GAS7: variants seen among roughly 807,000 people sequenced by gnomAD.
GAS7 encodes the protein growth arrest specific 7.
Under a neutral mutation model 71.1 loss-of-function variants are expected in GAS7, and 28 were observed. The observed-to-expected ratio is 0.39, with a 90% CI of 0.29 to 0.54. The LOEUF is 0.54. Ranked by LOEUF, GAS7 falls within the 20% of genes least tolerant of loss-of-function variation. The pLI, the probability that GAS7 is intolerant of heterozygous loss-of-function variation, is 0.62. For synonymous variants in GAS7, 258 were observed against 245.8 expected (o/e 1.05, Z -0.46); for missense variants, 436 against 627.8 (o/e 0.69, Z 3.27).
chr17:10,006,857 G>T (rs1003756119), intron 2 of GAS7, among the ~76,000 whole-genome samples: 2 of 152,156 alleles, frequency 1.3e-5, no homozygotes, highest in African/African-American at 4.8e-5. Context: ...CACTGGCCAG[G>T]TGAAGGGCCT....
intron 1 of GAS7, among the ~76,000 whole-genome samples, chr17:10,044,816 A>G (rs573066265): frequency 6.6e-6 from 1 of 152,276 alleles, no homozygotes; most frequent in East Asian, 1.9e-4. Context: ...GCACTTTGGG[A>G]GGCCGAGGCG....
chr17:10,105,120 A>G (rs538074978), intron 1 of GAS7, among the ~76,000 whole-genome samples: 18 of 152,342 alleles, frequency 1.2e-4, no homozygotes, highest in African/African-American at 2.2e-4. Flanking sequence ...ACATACGGCT[A>G]TTTAAAGTTA....
chr17:10,084,767 C>T (rs1271048895), intron 1 of GAS7, among the ~76,000 whole-genome samples: 1 of 152,136 alleles, frequency 6.6e-6, no homozygotes, highest in Non-Finnish European at 1.5e-5. Flanking sequence ...GTGCCCGGCC[C>T]CTTTCCCTAT....
chr17:9,934,353 T>C (rs2068317024), intron 8 of GAS7, 109 bp from the exon 9 acceptor site: 1 of 727,556 alleles, frequency 1.4e-6, no homozygotes. Flanking sequence ...GCTGAGAATG[T>C]GGACGCGGAT....
At chr17:10,190,559 G>A (rs4383186) in intron 1 of GAS7, among the ~76,000 whole-genome samples, 61,855 of 148,036 alleles carry the variant, frequency 0.42, 13,285 homozygotes, top group East Asian at 0.51. Flanking sequence ...CAGCCTGAGC[G>A]ACAGAGCAAG....
At chr17:10,168,544 C>T (rs114615078) in intron 1 of GAS7, among the ~76,000 whole-genome samples, 5,894 of 152,250 alleles carry the variant, frequency 0.039, 158 homozygotes, top group Admixed American at 0.069. Context: ...TACTGTGGAC[C>T]GCTGGAGAGC....
chr17:10,047,374 G>A (rs966065287), intron 1 of GAS7, among the ~76,000 whole-genome samples: 5 of 152,176 alleles, frequency 3.3e-5, no homozygotes, highest in African/African-American at 1.2e-4. Context: ...AGAGATGGGT[G>A]CACCATCGAA....
chr17:9,948,857 G>A (rs1288809458), intron 5 of GAS7, among the ~76,000 whole-genome samples: 1 of 152,178 alleles, frequency 6.6e-6, no homozygotes, highest in Non-Finnish European at 1.5e-5. Context: ...ACCTCTCCTA[G>A]GACGCGGGCT....
At chr17:10,010,129 C>T (rs957284073) in intron 2 of GAS7, among the ~76,000 whole-genome samples, 34 of 152,038 alleles carry the variant, frequency 2.2e-4, no homozygotes, top group African/African-American at 7.2e-4. Flanking sequence ...ATATGTAAAA[C>T]AAACAGGTTC....
intron 2 of GAS7, among the ~76,000 whole-genome samples, chr17:10,007,334 T>C (rs1036987480): frequency 6.6e-6 from 1 of 152,056 alleles, no homozygotes; most frequent in Non-Finnish European, 1.5e-5. Context: ...GTCTAAAGAA[T>C]GGTTTCTAGG....
At chr17:9,983,354 G>A (rs929937082) in intron 2 of GAS7, among the ~76,000 whole-genome samples, 2 of 152,094 alleles carry the variant, frequency 1.3e-5, no homozygotes, top group Admixed American at 6.6e-5. Flanking sequence ...AGCCAGGTGT[G>A]GTAGCACGTG....
chr17:10,121,408 T>C (rs1297962784), intron 1 of GAS7, among the ~76,000 whole-genome samples: 1 of 151,972 alleles, frequency 6.6e-6, no homozygotes, highest in Non-Finnish European at 1.5e-5. Flanking sequence ...TTTAAAAATT[T>C]AAAAAAAGAA....
chr17:10,039,636 T>A (rs2072824592), intron 1 of GAS7: 2 of 418,520 alleles, frequency 4.8e-6, no homozygotes, highest in Non-Finnish European at 9.5e-6. Flanking sequence ...TGAGCCAAGA[T>A]CATGCCACTG....
At chr17:9,968,808 T>C (rs2069830701) in intron 4 of GAS7, among the ~76,000 whole-genome samples, 1 of 152,238 alleles carries the variant, frequency 6.6e-6, no homozygotes, top group Admixed American at 6.5e-5. Context: ...GCTACTGTCA[T>C]CATCAACATC....
intron 1 of GAS7, among the ~76,000 whole-genome samples, chr17:10,189,147 G>T (rs541332649): frequency 6.6e-6 from 1 of 152,124 alleles, no homozygotes; most frequent in Admixed American, 6.5e-5. Context: ...GGACAGATGG[G>T]GAAAATACAA....
At chr17:10,117,885 G>A (rs942671198) in intron 1 of GAS7, among the ~76,000 whole-genome samples, 1 of 152,144 alleles carries the variant, frequency 6.6e-6, no homozygotes, top group Non-Finnish European at 1.5e-5. Context: ...TTCTCAACAT[G>A]CTGAATGTGG....
chr17:10,007,721 C>T (rs1276746369), intron 2 of GAS7, among the ~76,000 whole-genome samples: 2 of 150,294 alleles, frequency 1.3e-5, no homozygotes, highest in African/African-American at 4.9e-5. Context: ...TTTTTAATGA[C>T]ACTTTTATTG....
rs551056015 is a variant in GAS7 at position 10,126,190 on chromosome 17, T to A, written c.183+72018A>T. ...AAGGGTTAAATGGGGGAGTCGCTTC[T>A]CAGACAGGAGAAAGTATTTGCTCTA... On this transcript the variant is annotated intron_variant, in intron 1 of 13. Coordinates refer to ENST00000432992, the MANE Select transcript of GAS7 (RefSeq NM_201433.2). Among the ~76,000 whole-genome samples the A allele has an allele frequency of 2.6e-5, 4 of 152,332 alleles. No homozygotes were observed. In the South Asian group the frequency reaches 8.3e-4, roughly 32 times the overall value.
At chr17:9,923,670 A>T (rs755196304) in intron 11 of GAS7, among the ~76,000 whole-genome samples, 5 of 152,258 alleles carry the variant, frequency 3.3e-5, no homozygotes, top group African/African-American at 4.8e-5. Context: ...GCATTTAGAG[A>T]ACAGGCATTA....
Sources: allele counts gnomAD v4.1 joint callset (sites outside exome capture counted in the v4.1 genomes callset), GRCh38; gene constraint gnomAD v4.1.1; transcripts MANE v1.5; gene names NCBI Gene and HGNC (gene_info 2026-07-23, HGNC 2026-07-21).